The following VPS41 variants were observed in gnomAD, a reference collection of about 807,000 sequenced individuals.
The protein encoded by VPS41 is VPS41 subunit of HOPS complex, also known as vacuolar protein sorting-associated protein 41 homolog.
A neutral mutation model predicts 130.9 loss-of-function variants in VPS41; 85 were observed. The observed-to-expected ratio is 0.65, with a 90% confidence interval of 0.55 to 0.78. The LOEUF (loss-of-function observed/expected upper bound fraction) is 0.78. Among genes scored for constraint, VPS41 ranks in the 30% least tolerant of loss-of-function variants. The pLI, the probability that VPS41 is intolerant of heterozygous loss-of-function variation, is 0.00. For missense variants in VPS41, 874 were observed against 1,018.7 expected (o/e 0.86, Z 1.93); for synonymous variants, 335 against 332.9 (o/e 1.01, Z -0.07).
chr7:38,860,966 G>A (rs1262910227), intron 4 of VPS41, among the ~76,000 whole-genome samples: 1 of 151,994 alleles, frequency 6.6e-6, no homozygotes, highest in Non-Finnish European at 1.5e-5. Context: ...AAAAAAAGGT[G>A]CAAAGCTATA....
chr7:38,741,864 A>T (rs1795887076), intron 25 of VPS41, 121 bp downstream of exon 25: 2 of 1,136,262 alleles, frequency 1.8e-6, no homozygotes, highest in Admixed American at 2.5e-5. Context: ...TCTGGGCCTA[A>T]ATAAAATGTA....
At chr7:38,764,981 G>A (rs1388516682) in intron 16 of VPS41, among the ~76,000 whole-genome samples, 3 of 152,118 alleles carry the variant, frequency 2.0e-5, no homozygotes, top group Non-Finnish European at 2.9e-5. Context: ...GGAGTCACAC[G>A]GTTGACAAGA....
intron 22 of VPS41, among the ~76,000 whole-genome samples, chr7:38,746,878 C>T (rs953465189): frequency 3.3e-5 from 5 of 152,134 alleles, no homozygotes; most frequent in Non-Finnish European, 7.3e-5. Context: ...ATGGCACTAC[C>T]TTACGTCATG....
chr7:38,881,080 AT>A (rs1186582744), intron 2 of VPS41, among the ~76,000 whole-genome samples: 1 of 152,192 alleles, frequency 6.6e-6, no homozygotes, highest in East Asian at 1.9e-4. Flanking sequence ...TGTAAAAAAA[AT>A]GTGACAAACT....
intron 3 of VPS41, among the ~76,000 whole-genome samples, chr7:38,867,200 G>A (rs1786247272): frequency 6.6e-6 from 1 of 152,164 alleles, no homozygotes; most frequent in African/African-American, 2.4e-5. Context: ...TGGGAAACAA[G>A]GGAGGAAATG....
intron 7 of VPS41, among the ~76,000 whole-genome samples, chr7:38,811,385 C>A (rs1383397610): frequency 6.6e-6 from 1 of 151,908 alleles, no homozygotes; most frequent in Non-Finnish European, 1.5e-5. Context: ...GAAAATGGTA[C>A]TTTTTAGTAC....
At chr7:38,789,537 C>G (rs1002182826) in intron 10 of VPS41, among the ~76,000 whole-genome samples, 7 of 152,124 alleles carry the variant, frequency 4.6e-5, no homozygotes, top group African/African-American at 1.7e-4. Flanking sequence ...GGGGCCAACA[C>G]AGATCCCCGT....
chr7:38,812,705 C>A (rs554930199), intron 7 of VPS41, among the ~76,000 whole-genome samples: 1 of 151,810 alleles, frequency 6.6e-6, no homozygotes, highest in Non-Finnish European at 1.5e-5. Flanking sequence ...ATTAAAAAAA[C>A]CCAATTAAAA....
chr7:38,757,431 T>C (rs781044746), intron 18 of VPS41, among the ~76,000 whole-genome samples: 16 of 152,170 alleles, frequency 1.1e-4, no homozygotes, highest in Non-Finnish European at 2.4e-4. Context: ...TGTTTTTCCA[T>C]TGAAACAATG....
At chr7:38,842,530 T>C (rs73123616) in intron 4 of VPS41, among the ~76,000 whole-genome samples, 4,265 of 152,294 alleles carry the variant, frequency 0.028, 86 homozygotes, top group Middle Eastern at 0.065. Context: ...CTCATTCGAA[T>C]AGTAAAATAT....
intron 15 of VPS41, 125 bp from the exon 16 acceptor site, chr7:38,765,786 T>A: frequency 1.6e-6 from 1 of 607,692 alleles, no homozygotes; most frequent in Non-Finnish European, 2.8e-6. Context: ...AGAGTTTTGA[T>A]GAATTTCTAT....
chr7:38,801,001 C>G (rs1439036121), intron 7 of VPS41, among the ~76,000 whole-genome samples: 1 of 152,234 alleles, frequency 6.6e-6, no homozygotes, highest in Non-Finnish European at 1.5e-5. Flanking sequence ...GCAGTTCCTA[C>G]CAAAATGCAA....
chr7:38,741,159 T>C lies in VPS41; in HGVS notation c.2259+826A>G, dbSNP rs117007640. 2.4e-3 allele frequency: 509 copies of C among 210,894 alleles called. 2 individuals are homozygous for C. The highest frequency in any genetic ancestry group is 3.7e-3 in the Non-Finnish European group (354 of 95,388). The allele number at this position is 210,894 out of a possible 1,614,324, so 13.1% of individuals were successfully genotyped here. ...TCCTGGCCCAATGGATCTCACATCATAATGCTCCTCAGCTAATAGCCTTTT... is the reference window on the plus strand; with the variant it reads ...TCCTGGCCCAATGGATCTCACATCACAATGCTCCTCAGCTAATAGCCTTTT... On this transcript the variant is annotated intron_variant, in intron 25 of 28. Coordinates refer to ENST00000310301, the MANE Select transcript of VPS41 (RefSeq NM_014396.4).
At chr7:38,770,647 G>A (rs1467348209) in intron 14 of VPS41, among the ~76,000 whole-genome samples, 2 of 152,150 alleles carry the variant, frequency 1.3e-5, no homozygotes, top group African/African-American at 2.4e-5. Flanking sequence ...CGGCTAGATG[G>A]TCTCCAAGGA....
chr7:38,799,088 T>G (rs902788481), intron 7 of VPS41, among the ~76,000 whole-genome samples: 3 of 152,084 alleles, frequency 2.0e-5, no homozygotes, highest in Non-Finnish European at 4.4e-5. Context: ...TAGCCAGCAC[T>G]GTAGCTGTCC....
intron 4 of VPS41, among the ~76,000 whole-genome samples, chr7:38,845,252 T>C (rs189869528): frequency 1.4e-4 from 22 of 152,284 alleles, no homozygotes; most frequent in Admixed American, 1.1e-3. Flanking sequence ...AAAACATTAC[T>C]TCAATAAAAG....
chr7:38,729,916 TTTA>T (rs1007903265), intron 25 of VPS41, among the ~76,000 whole-genome samples: 7 of 152,130 alleles, frequency 4.6e-5, no homozygotes, highest in African/African-American at 1.7e-4. Flanking sequence ...TGTCATTTCA[TTTA>T]TTATTATTAT....
chr7:38,733,707 A>G (rs1021249076), intron 25 of VPS41, among the ~76,000 whole-genome samples: 3 of 148,830 alleles, frequency 2.0e-5, no homozygotes, highest in African/African-American at 7.8e-5. Flanking sequence ...AAACATCTCT[A>G]TGAAATATCT....
intron 7 of VPS41, among the ~76,000 whole-genome samples, chr7:38,808,701 G>A (rs1170290856): frequency 1.3e-5 from 2 of 152,238 alleles, no homozygotes; most frequent in East Asian, 1.9e-4. Context: ...GAAAACTTGC[G>A]GAAATACTAT....
Sources: gnomAD v4.1 joint callset for allele counts (sites outside exome capture counted in the v4.1 genomes callset) on GRCh38, gnomAD v4.1.1 for gene constraint, MANE v1.5 for transcripts, NCBI Gene and HGNC (gene_info 2026-07-23, HGNC 2026-07-21) for gene names.